The following PDE4D variants were observed in gnomAD, a reference collection of about 807,000 sequenced individuals.
PDE4D encodes 3',5'-cyclic-AMP phosphodiesterase 4D.
In PDE4D, 24 loss-of-function variants were observed where a neutral mutation model predicts 87.4. The observed-to-expected ratio is 0.27, with a 90% confidence interval of 0.20 to 0.39. The LOEUF (loss-of-function observed/expected upper bound fraction) is 0.39. Ranked by LOEUF, PDE4D falls within the 10% of genes least tolerant of loss-of-function variation. The probability of loss-of-function intolerance (pLI) is 1.00; values close to 1 mark genes in which losing one functional copy is unlikely to be tolerated. For missense variants in PDE4D, 714 were observed against 1,041.0 expected (o/e 0.69, Z 4.32); for synonymous variants, 384 against 383.2 (o/e 1.00, Z -0.02).
intron 1 of PDE4D, among the ~76,000 whole-genome samples, chr5:60,322,469 T>C (rs577892824): frequency 6.6e-6 from 1 of 152,070 alleles, no homozygotes; most frequent in East Asian, 1.9e-4. Context: ...TTTACCTCTC[T>C]TTCTTGTCCC....
At chr5:58,988,215 T>C (rs1190345554) in intron 11 of PDE4D, among the ~76,000 whole-genome samples, 3 of 152,168 alleles carry the variant, frequency 2.0e-5, no homozygotes, top group African/African-American at 7.2e-5. Flanking sequence ...TTTCTAAATC[T>C]TTCTGCACAC....
chr5:59,297,897 A>G (rs1211523445), intron 1 of PDE4D, among the ~76,000 whole-genome samples: 1 of 152,086 alleles, frequency 6.6e-6, no homozygotes, highest in Non-Finnish European at 1.5e-5. Flanking sequence ...GGGCAAAGAG[A>G]CACCTGGAGT....
At chr5:59,377,540 G>T (rs1201243912) in intron 1 of PDE4D, among the ~76,000 whole-genome samples, 1 of 152,052 alleles carries the variant, frequency 6.6e-6, no homozygotes, top group African/African-American at 2.4e-5. Context: ...GCTGTCAACA[G>T]AGTGAGCCTA....
chr5:59,146,202 T>C (rs994014566), intron 5 of PDE4D, among the ~76,000 whole-genome samples: 18 of 152,280 alleles, frequency 1.2e-4, no homozygotes, highest in Admixed American at 5.9e-4. Flanking sequence ...AAAAAAAATA[T>C]ACACATAACT....
intron 1 of PDE4D, among the ~76,000 whole-genome samples, chr5:59,647,787 A>C (rs1180069539): frequency 6.6e-6 from 1 of 152,202 alleles, no homozygotes; most frequent in Admixed American, 6.5e-5. Flanking sequence ...ATTAAAATTA[A>C]CTTAGAAAGT....
intron 1 of PDE4D, among the ~76,000 whole-genome samples, chr5:59,615,839 T>A (rs2150086908): frequency 6.6e-6 from 1 of 152,300 alleles, no homozygotes; most frequent in East Asian, 1.9e-4. Context: ...AAAAGAGGAC[T>A]ATCTTACAGC....
intron 2 of PDE4D, among the ~76,000 whole-genome samples, chr5:60,091,683 C>T (rs1775127217): frequency 6.6e-6 from 1 of 152,098 alleles, no homozygotes; most frequent in Non-Finnish European, 1.5e-5. Flanking sequence ...ATCTGCACTC[C>T]CATGTTTATT....
chr5:59,445,742 AATTT>A (rs558916019), intron 1 of PDE4D, among the ~76,000 whole-genome samples: 48 of 152,102 alleles, frequency 3.2e-4, no homozygotes, highest in Non-Finnish European at 5.7e-4. Context: ...GCTTATATAG[AATTT>A]ATTTATTTAT....
intron 1 of PDE4D, among the ~76,000 whole-genome samples, chr5:59,269,066 A>C (rs1216434514): frequency 6.6e-6 from 1 of 152,066 alleles, no homozygotes; most frequent in Non-Finnish European, 1.5e-5. Flanking sequence ...TTTAATGATA[A>C]GGCCAAAACC....
chr5:60,042,160 T>C (rs969921109), intron 2 of PDE4D, among the ~76,000 whole-genome samples: 2 of 152,006 alleles, frequency 1.3e-5, no homozygotes, highest in Non-Finnish European at 2.9e-5. Context: ...AGTAGGCGGT[T>C]TTCTCCTCAC....
At chr5:60,497,604 A>G (rs1384976675) in intron 1 of PDE4D, among the ~76,000 whole-genome samples, 3 of 151,882 alleles carry the variant, frequency 2.0e-5, no homozygotes, top group African/African-American at 4.8e-5. Flanking sequence ...GGGTCTCACT[A>G]TGTTCCCCAG....
chr5:59,212,326 C>G (rs187716789), intron 2 of PDE4D, among the ~76,000 whole-genome samples: 1 of 152,196 alleles, frequency 6.6e-6, no homozygotes, highest in African/African-American at 2.4e-5. Flanking sequence ...GAAACTTAAT[C>G]TCCTTGGTAG....
rs56153175 is a variant in PDE4D, at chr5:59,276,122, G to GAA, written c.456-60156_456-60155dup. 6.7e-3 allele frequency: 5,669 copies of GAA among 850,034 alleles called. 5 individuals are homozygous for GAA. Among genetic ancestry groups the GAA allele is most frequent in the Middle Eastern group, 8.1e-3 (13 of 1,614 alleles). 52.7% of individuals were successfully genotyped at this position (850,034 alleles called of 1,614,324 possible). A position where few individuals can be genotyped will look rare whatever the true frequency, so the allele number is the denominator to read the frequency against. ...AAAACACCGCAGGGCAGTGAGAAAG[G>GAA]AAAAAAAAAAAAAAAAAAAAAGAAA... On this transcript the variant is annotated intron_variant, in intron 1 of 14. Transcript: ENST00000340635.
At chr5:59,542,234 T>G (rs1816480042) in intron 1 of PDE4D, among the ~76,000 whole-genome samples, 3 of 152,042 alleles carry the variant, frequency 2.0e-5, no homozygotes, top group African/African-American at 7.3e-5. Flanking sequence ...ACTGAATCCC[T>G]CACAGCCACC....
chr5:59,463,878 A>C (rs1457440836), intron 1 of PDE4D, among the ~76,000 whole-genome samples: 1 of 152,196 alleles, frequency 6.6e-6, no homozygotes, highest in African/African-American at 2.4e-5. Context: ...ACTAAGAAAA[A>C]TTCTTCTGCC....
chr5:59,616,384 A>G (rs1579873709), intron 1 of PDE4D, among the ~76,000 whole-genome samples: 1 of 152,178 alleles, frequency 6.6e-6, no homozygotes, highest in East Asian at 1.9e-4. Flanking sequence ...AATTCAGCTC[A>G]GTATTTTGGT....
intron 3 of PDE4D, among the ~76,000 whole-genome samples, chr5:59,948,721 G>A (rs191986382): frequency 1.3e-5 from 2 of 152,272 alleles, no homozygotes; most frequent in East Asian, 3.9e-4. Context: ...ACTTACTTGG[G>A]AAGGCAAACC....
At chr5:59,716,381 C>T (rs1755031044) in intron 1 of PDE4D, among the ~76,000 whole-genome samples, 1 of 152,160 alleles carries the variant, frequency 6.6e-6, no homozygotes, top group Non-Finnish European at 1.5e-5. Context: ...TTCCAGCTAC[C>T]CGCCACTTGC....
intron 1 of PDE4D, among the ~76,000 whole-genome samples, chr5:60,463,015 A>G (rs1259123438): frequency 1.3e-5 from 2 of 152,230 alleles, no homozygotes; most frequent in Non-Finnish European, 2.9e-5. Flanking sequence ...GAAAATAAGA[A>G]GGAAACCCGT....
Sources: allele counts gnomAD v4.1 joint callset (sites outside exome capture counted in the v4.1 genomes callset), GRCh38; gene constraint gnomAD v4.1.1; transcripts MANE v1.5; gene names NCBI Gene and HGNC (gene_info 2026-07-23, HGNC 2026-07-21).